The following SMYD1 variants were observed in gnomAD, a reference collection of about 807,000 sequenced individuals.
SMYD1 encodes the protein histone-lysine N-methyltransferase SMYD1.
SMYD1 carries 49 observed loss-of-function variants against 54.0 expected under a neutral mutation model. The ratio of observed to expected loss-of-function variants is 0.91; its 90% CI spans 0.72 to 1.15. The LOEUF (loss-of-function observed/expected upper bound fraction) is 1.15. Ranked by LOEUF, SMYD1 falls within the 50% of genes most tolerant of loss-of-function variation. SMYD1 has a pLI of 0.00. For synonymous variants in SMYD1, 269 were observed against 234.2 expected (o/e 1.15, Z -1.36); for missense variants, 653 against 639.6 (o/e 1.02, Z -0.23).
chr2:88,089,706 C>T (rs1674421524), intron 3 of SMYD1, among the ~76,000 whole-genome samples: 2 of 151,544 alleles, frequency 1.3e-5, no homozygotes, highest in South Asian at 4.2e-4. Context: ...GATCCTCCCG[C>T]CTCCCAAGTA....
intron 5 of SMYD1, among the ~76,000 whole-genome samples, chr2:88,095,683 G>A (rs1674570900): frequency 1.3e-5 from 2 of 152,204 alleles, no homozygotes; most frequent in African/African-American, 4.8e-5. Context: ...ATTCTGGGGA[G>A]ATACAGGAGC....
At chr2:88,089,592 T>C (rs1256918609) in intron 3 of SMYD1, among the ~76,000 whole-genome samples, 9 of 143,390 alleles carry the variant, frequency 6.3e-5, no homozygotes, top group African/African-American at 2.4e-4. Flanking sequence ...CCTGTTTTTT[T>C]TTTTTTTTTT....
In SMYD1 at chr2:88,105,738, G is replaced by A. The variant is rs149553323; in HGVS notation, c.982-587G>A. Among the ~76,000 whole-genome samples, 454 of 152,246 alleles carry A rather than the reference G, an allele frequency of 3.0e-3. 1 individual carries two copies. Among genetic ancestry groups the A allele is most frequent in the African/African-American group, 0.011 (440 of 41,540 alleles). The stretch of plus-strand genomic sequence containing the variant: ...GGATTGCCTGAGCTCAGGAGTTGGA[G>A]ACCAGCCTGGGCAACATGGAGAAAC... On this transcript the variant is annotated intron_variant, in intron 7 of 9. Coordinates refer to ENST00000419482, the MANE Select transcript of SMYD1 (RefSeq NM_198274.4).
intron 2 of SMYD1, among the ~76,000 whole-genome samples, chr2:88,085,336 C>T (rs1674298498): frequency 6.6e-6 from 1 of 152,080 alleles, no homozygotes; most frequent in African/African-American, 2.4e-5. Context: ...AATCTCAAGG[C>T]CTATAGCTCC....
chr2:88,089,533 C>T (rs1674414641), intron 3 of SMYD1, among the ~76,000 whole-genome samples: 1 of 151,216 alleles, frequency 6.6e-6, no homozygotes, highest in African/African-American at 2.4e-5. Context: ...CAGCTTGTGC[C>T]CAGGGAAAGT....
chr2:88,076,539 G>A (rs1674069848), intron 1 of SMYD1, among the ~76,000 whole-genome samples: 1 of 152,076 alleles, frequency 6.6e-6, no homozygotes. Context: ...TATCTTTTAA[G>A]GCCCTCTATT....
At chr2:88,079,066 T>C (rs1288073353) in intron 1 of SMYD1, among the ~76,000 whole-genome samples, 1 of 152,264 alleles carries the variant, frequency 6.6e-6, no homozygotes, top group Non-Finnish European at 1.5e-5. Flanking sequence ...TCACATTTTC[T>C]TTTTATGAAA....
chr2:88,080,296 T>C (rs1674160075), intron 1 of SMYD1, among the ~76,000 whole-genome samples: 1 of 141,602 alleles, frequency 7.1e-6, no homozygotes, highest in South Asian at 2.3e-4. Context: ...TTCATTTGTG[T>C]TTGAAATTTA....
chr2:88,078,367 G>A (rs1674116032), intron 1 of SMYD1, among the ~76,000 whole-genome samples: 1 of 152,182 alleles, frequency 6.6e-6, no homozygotes, highest in African/African-American at 2.4e-5. Context: ...TCATTCAAAA[G>A]TACTGGTCAG....
At chr2:88,072,165 T>A (rs1355436816) in intron 1 of SMYD1, among the ~76,000 whole-genome samples, 1 of 152,180 alleles carries the variant, frequency 6.6e-6, no homozygotes, top group African/African-American at 2.4e-5. Context: ...TATTTTTATT[T>A]TTTGAGATGA....
intron 1 of SMYD1, among the ~76,000 whole-genome samples, chr2:88,078,196 C>T (rs747764313): frequency 6.6e-6 from 1 of 152,160 alleles, no homozygotes; most frequent in African/African-American, 2.4e-5. Flanking sequence ...ATGGGTGGCC[C>T]GGGCTGATGT....
intron 6 of SMYD1, among the ~76,000 whole-genome samples, chr2:88,100,058 T>TC (rs1214363505): frequency 1.4e-5 from 2 of 144,606 alleles, no homozygotes; most frequent in South Asian, 4.6e-4. Context: ...CTCTGGCTCC[T>TC]CCCCCCCTCT....
At chr2:88,102,386 A>G (rs1402785975) in intron 6 of SMYD1, among the ~76,000 whole-genome samples, 3 of 152,040 alleles carry the variant, frequency 2.0e-5, no homozygotes, top group Non-Finnish European at 4.4e-5. Flanking sequence ...TGGTAAGATC[A>G]CTAGGCTGCT....
chr2:88,087,849 GCCCTT>G lies in SMYD1; in HGVS notation c.315-9_315-5del. 6.4e-7 allele frequency: 1 copy of G among 1,556,104 alleles called. No homozygotes were observed. Among genetic ancestry groups the G allele is most frequent in the Non-Finnish European group, 8.7e-7 (1 of 1,150,578 alleles). ...GCAGCTGTAGTGGCCTCCTGACGCT[GCCCTT>G]CCCACAGGCTGGCGGCGCGCATCAT... On this transcript the variant is annotated splice_region_variant and splice_polypyrimidine_tract_variant and intron_variant, in intron 2 of 9. Coordinates refer to ENST00000419482, the MANE Select transcript of SMYD1 (RefSeq NM_198274.4).
At chr2:88,106,832 C>G (rs1674887089) in intron 8 of SMYD1, among the ~76,000 whole-genome samples, 1 of 152,184 alleles carries the variant, frequency 6.6e-6, no homozygotes, top group Non-Finnish European at 1.5e-5. Flanking sequence ...CTGTAATCAA[C>G]ACAGGCAAGT....
intron 1 of SMYD1, among the ~76,000 whole-genome samples, chr2:88,079,436 G>C (rs996622827): frequency 6.6e-6 from 1 of 152,178 alleles, no homozygotes; most frequent in Non-Finnish European, 1.5e-5. Flanking sequence ...GCCAGGCTAG[G>C]AAAACTTGCC....
At chr2:88,097,576 C>T (rs965236914) in intron 6 of SMYD1, among the ~76,000 whole-genome samples, 27 of 152,148 alleles carry the variant, frequency 1.8e-4, no homozygotes, top group Admixed American at 1.6e-3. Context: ...GGCATGGAGG[C>T]GTCTCACATG....
intron 8 of SMYD1, among the ~76,000 whole-genome samples, chr2:88,107,187 C>G (rs985780439): frequency 9.9e-5 from 15 of 151,306 alleles, no homozygotes; most frequent in Non-Finnish European, 1.9e-4. Context: ...GGCGACAGAG[C>G]AAGACTGTCT....
chr2:88,091,128 A>G lies in SMYD1; in HGVS notation c.645A>G (p.Ile215Met). The G allele has an allele frequency of 6.2e-6, 10 of 1,613,966 alleles. No individual in the cohort carries two copies. Among genetic ancestry groups the G allele is most frequent in the East Asian group, 2.2e-5 (1 of 44,864 alleles). ...NHDCWPNCTV[I>M]FNNGNHEAVK... ...ACTGTTGGCCCAACTGTACTGTCAT[A>G]TTTAACAATGGCAAGTGAGTATGTC... is the stretch of plus-strand genomic sequence containing the variant. The change falls in exon 4 of 10, where the codon ATA becomes ATG. Residue 215 changes from isoleucine (I) to methionine (M), a missense_variant. Coordinates refer to ENST00000419482, the MANE Select transcript of SMYD1 (RefSeq NM_198274.4).
Sources: gnomAD v4.1 joint callset for allele counts (sites outside exome capture counted in the v4.1 genomes callset) on GRCh38, gnomAD v4.1.1 for gene constraint, MANE v1.5 for transcripts, NCBI Gene and HGNC (gene_info 2026-07-23, HGNC 2026-07-21) for gene names.